The following ABCB5 variants were observed in gnomAD, a reference collection of about 807,000 sequenced individuals.
ABCB5 encodes ATP-binding cassette sub-family B member 5.
A neutral mutation model predicts 144.2 loss-of-function variants in ABCB5; 155 were observed. The ratio of observed to expected loss-of-function variants is 1.08; its 90% confidence interval spans 0.94 to 1.23. ABCB5 has a LOEUF of 1.23. Among genes scored for constraint, ABCB5 ranks in the 50% most tolerant of loss-of-function variants. ABCB5 has a pLI of 0.00. For synonymous variants in ABCB5, 610 were observed against 528.6 expected, an observed-to-expected ratio of 1.15 and a Z score of -2.11; for missense variants, 1,830 against 1,520.8, an observed-to-expected ratio of 1.20 and a Z score of -3.38.
chr7:20,704,703 G>A lies in ABCB5; in HGVS notation c.2338-21G>A, dbSNP rs199945734. 1.0e-3 allele frequency: 1,608 copies of A among 1,600,898 alleles called. 4 individuals are homozygous for A. Among genetic ancestry groups the A allele is most frequent in the Non-Finnish European group, 1.2e-3 (1,464 of 1,172,296 alleles). On this transcript the variant is annotated intron_variant, in intron 19 of 27. Coordinates refer to ENST00000404938, the MANE Select transcript of ABCB5 (RefSeq NM_001163941.2). ...AAAAAATGATTTTTGACAACCATAT[G>A]TTAATTCTCCTTTTCTCTAGGATAT...
intron 16 of ABCB5, among the ~76,000 whole-genome samples, chr7:20,695,852 A>C (rs1257678149): frequency 6.6e-6 from 1 of 151,998 alleles, no homozygotes; most frequent in African/African-American, 2.4e-5. Context: ...AATGCAAAAA[A>C]AAAATCACAA....
chr7:20,651,397 TG>T (rs752393352), intron 12 of ABCB5, 22 bp from the exon 13 acceptor site: 30 of 1,613,340 alleles, frequency 1.9e-5, no homozygotes, highest in Non-Finnish European at 2.3e-5. Context: ...CATCACAACA[TG>T]GTTCATTCTT....
chr7:20,735,326 G>A (rs973308733), intron 23 of ABCB5, among the ~76,000 whole-genome samples: 2 of 152,074 alleles, frequency 1.3e-5, no homozygotes, highest in African/African-American at 4.8e-5. Context: ...AGCAACATAG[G>A]TGGGTTTTCA....
At chr7:20,680,446 A>C (rs1329411917) in intron 14 of ABCB5, among the ~76,000 whole-genome samples, 1 of 151,952 alleles carries the variant, frequency 6.6e-6, no homozygotes, top group African/African-American at 2.4e-5. Context: ...GGTGGTGGGC[A>C]CCTGTAGTCC....
intron 14 of ABCB5, chr7:20,667,437 A>C (rs1785236489): frequency 1.0e-6 from 1 of 985,440 alleles, no homozygotes; most frequent in South Asian, 4.7e-5. Context: ...GAATTCTCAG[A>C]CCTTTTCTAG....
chr7:20,702,283 T>C (rs890515566), intron 19 of ABCB5, among the ~76,000 whole-genome samples: 3 of 152,198 alleles, frequency 2.0e-5, no homozygotes, highest in African/African-American at 7.2e-5. Flanking sequence ...AAGAAGTTTA[T>C]TTTTCCCCAT....
At chr7:20,644,089 G>A (rs922348743) in intron 7 of ABCB5, among the ~76,000 whole-genome samples, 15 of 145,846 alleles carry the variant, frequency 1.0e-4, no homozygotes, top group African/African-American at 3.5e-4. Flanking sequence ...TATATGTAAA[G>A]TTTTTTTTTT....
chr7:20,683,980 C>T (rs1306724167), intron 15 of ABCB5, among the ~76,000 whole-genome samples: 2 of 330 alleles, frequency 6.1e-3, no homozygotes, highest in Non-Finnish European at 0.012. Context: ...TAGTTTTAGT[C>T]CTTGGCAAGT....
In ABCB5 at chr7:20,756,064, G is replaced by A. The variant is rs1193331101; in HGVS notation, c.*440G>A. The A allele has an allele frequency of 6.0e-6, 1 of 166,412 alleles. No homozygotes were observed. The highest frequency in any genetic ancestry group is 1.3e-5 in the Non-Finnish European group (1 of 76,864). The allele number at this position is 166,412 out of a possible 1,614,324, so 10.3% of individuals were successfully genotyped here. On this transcript the variant is annotated 3_prime_UTR_variant, in exon 28 of 28. Coordinates refer to ENST00000404938, the MANE Select transcript of ABCB5 (RefSeq NM_001163941.2). ...CTTTCACTTGGAATTTTGTTTTGCAGCACATATTACAGTAGTTTTGCTAGT... is the reference window on the plus strand; with the variant it reads ...CTTTCACTTGGAATTTTGTTTTGCAACACATATTACAGTAGTTTTGCTAGT...
At chr7:20,691,417 C>T (rs1206062672) in intron 16 of ABCB5, among the ~76,000 whole-genome samples, 2 of 151,516 alleles carry the variant, frequency 1.3e-5, no homozygotes, top group East Asian at 1.9e-4. Context: ...AGAGGTTCTC[C>T]TTTGAGTCTT....
At chr7:20,674,535 A>C (rs1402327637) in intron 14 of ABCB5, among the ~76,000 whole-genome samples, 1 of 151,882 alleles carries the variant, frequency 6.6e-6, no homozygotes, top group Non-Finnish European at 1.5e-5. Context: ...CTATCAGCTT[A>C]AAATAGACTG....
chr7:20,746,390 G>A (rs184120515), intron 26 of ABCB5, among the ~76,000 whole-genome samples: 62 of 152,260 alleles, frequency 4.1e-4, no homozygotes, highest in African/African-American at 1.3e-3. Context: ...GAGCCATCGC[G>A]CCCGGCAAGT....
rs34938819 is a variant in ABCB5 at position 20,712,158 on chromosome 7, C to CAAAAAAAAAAAAA, written c.2421+7363_2421+7375dup. 8.7e-4 allele frequency among the ~76,000 whole-genome samples: 46 copies of CAAAAAAAAAAAAA among 52,640 alleles called. 2 individuals carry two copies. Among genetic ancestry groups the CAAAAAAAAAAAAA allele is most frequent in the African/African-American group, 3.4e-3 (42 of 12,222 alleles). The allele number at this position is 52,640 out of a possible 152,430, so 34.5% of individuals were successfully genotyped here. The stretch of plus-strand genomic sequence containing the variant: ...CCTGGGTGACACAGCAAGACGCCGT[C>CAAAAAAAAAAAAA]AAAAAAAAAAAAAAAAAAAAAAAAG... On this transcript the variant is annotated intron_variant, in intron 20 of 27. Coordinates refer to ENST00000404938, the MANE Select transcript of ABCB5 (RefSeq NM_001163941.2).
At chr7:20,635,835 A>G (rs1431200022) in intron 5 of ABCB5, among the ~76,000 whole-genome samples, 1 of 152,174 alleles carries the variant, frequency 6.6e-6, no homozygotes, top group African/African-American at 2.4e-5. Flanking sequence ...ATAAGACCAT[A>G]TCATCAGCAA....
At chr7:20,645,176 C>T (rs1784374850) in intron 7 of ABCB5, among the ~76,000 whole-genome samples, 1 of 152,176 alleles carries the variant, frequency 6.6e-6, no homozygotes, top group African/African-American at 2.4e-5. Flanking sequence ...TTCAACTTGA[C>T]AATTATCTAT....
chr7:20,716,891 C>A (rs1044003026), intron 20 of ABCB5, among the ~76,000 whole-genome samples: 4 of 152,052 alleles, frequency 2.6e-5, no homozygotes, highest in African/African-American at 9.7e-5. Flanking sequence ...CGTGCCGAAC[C>A]CCAGCGCAGC....
At chr7:20,680,781 A>G (rs1465935723) in intron 14 of ABCB5, among the ~76,000 whole-genome samples, 1 of 152,138 alleles carries the variant, frequency 6.6e-6, no homozygotes, top group Non-Finnish European at 1.5e-5. Context: ...TTTGTACCCA[A>G]CTAGTTAAGT....
intron 26 of ABCB5, among the ~76,000 whole-genome samples, chr7:20,751,078 G>C (rs1782911397): frequency 1.3e-5 from 2 of 152,100 alleles, no homozygotes; most frequent in Non-Finnish European, 2.9e-5. Flanking sequence ...AGTTGCTTTA[G>C]GATTAGACTC....
chr7:20,654,630 A>G (rs1784709569), intron 13 of ABCB5, among the ~76,000 whole-genome samples: 1 of 152,234 alleles, frequency 6.6e-6, no homozygotes, highest in Non-Finnish European at 1.5e-5. Context: ...TAGCTCTTTC[A>G]AATAATAGAA....
Sources: allele counts gnomAD v4.1 joint callset (sites outside exome capture counted in the v4.1 genomes callset), GRCh38; gene constraint gnomAD v4.1.1; transcripts MANE v1.5; gene names NCBI Gene and HGNC (gene_info 2026-07-23, HGNC 2026-07-21).